The following MITF variants were observed in gnomAD, a reference collection of about 807,000 sequenced individuals.
The protein encoded by MITF is melanocyte inducing transcription factor, also known as microphthalmia-associated transcription factor.
A neutral mutation model predicts 60.5 loss-of-function variants in MITF; 17 were observed. That is an observed-to-expected ratio of 0.28 (90% CI 0.19 to 0.42). The LOEUF (loss-of-function observed/expected upper bound fraction) is 0.42. MITF is among the 10% of genes least tolerant of loss of function. The probability of loss-of-function intolerance (pLI) is 1.00; values close to 1 mark genes in which losing one functional copy is unlikely to be tolerated. For synonymous variants in MITF, 260 were observed against 248.5 expected, an observed-to-expected ratio of 1.05 and a Z score of -0.43; for missense variants, 622 against 683.5, an observed-to-expected ratio of 0.91 and a Z score of 1.00.
Position 69,937,985 on chromosome 3 carries a change from C to T in MITF, c.518C>T (p.Pro173Leu), listed in dbSNP as rs141679911. 6.2e-6 allele frequency: 10 copies of T among 1,614,058 alleles called. No individual in the cohort carries two copies. The highest frequency in any genetic ancestry group is 3.3e-5 in the Admixed American group (2 of 60,006). Residue 173 changes from proline to leucine, a missense_variant, in exon 3 of 10, where the codon CCG (proline) becomes CTG (leucine). This residue lies in a region of MITF where 215 missense variants were observed against 224.8 expected (regional missense o/e 0.96). Coordinates refer to ENST00000352241, the MANE Select transcript of MITF (RefSeq NM_001354604.2). ...GGCGATCATGTCATGCCACCGGTGC[C>T]GGGGAGCAGCGCACCCAACAGCCCC... ...QPGDHVMPPV[P>L]GSSAPNSPMA...
chr3:69,899,160 G>A (rs1057307336), intron 2 of MITF, among the ~76,000 whole-genome samples: 1 of 152,210 alleles, frequency 6.6e-6, no homozygotes, highest in Non-Finnish European at 1.5e-5. Flanking sequence ...AAGCATAGGT[G>A]TGAGCTTTGT....
intron 1 of MITF, among the ~76,000 whole-genome samples, chr3:69,816,832 C>T (rs563325645): frequency 5.9e-5 from 9 of 151,964 alleles, no homozygotes; most frequent in Non-Finnish European, 8.8e-5. Context: ...TGGTGGTGGT[C>T]GTGGTATTCA....
chr3:69,921,359 C>A (rs2065464159), intron 2 of MITF, among the ~76,000 whole-genome samples: 1 of 152,182 alleles, frequency 6.6e-6, no homozygotes, highest in Admixed American at 6.5e-5. Flanking sequence ...CAATAATGCA[C>A]TCATAGTTGA....
intron 1 of MITF, among the ~76,000 whole-genome samples, chr3:69,779,218 T>C (rs2062524416): frequency 6.6e-6 from 1 of 152,192 alleles, no homozygotes; most frequent in Non-Finnish European, 1.5e-5. Flanking sequence ...TCTCAAGGTG[T>C]ACCCCGATGC....
At position 69,832,947 on chromosome 3, in the gene MITF, A is replaced by G. The variant is rs532494064; in HGVS notation, c.105-46187A>G. Reference sequence around the variant, plus strand: ...TTATATACCTGGTTAGACTGTATGTAGTTGTTTCTCTGTTTGCACTGTATG... The same window carrying G: ...TTATATACCTGGTTAGACTGTATGTGGTTGTTTCTCTGTTTGCACTGTATG... On this transcript the variant is annotated intron_variant, in intron 1 of 9. Coordinates refer to ENST00000352241, the MANE Select transcript of MITF (RefSeq NM_001354604.2). Among the ~76,000 whole-genome samples the G allele has an allele frequency of 4.4e-4, 66 of 150,646 alleles. 1 individual carries two copies. The South Asian group carries it at 0.014, about 32-fold the overall frequency.
chr3:69,946,129 G>A (rs933059328), intron 5 of MITF, among the ~76,000 whole-genome samples: 1 of 152,184 alleles, frequency 6.6e-6, no homozygotes, highest in African/African-American at 2.4e-5. Context: ...AGCAGGCACT[G>A]TTTCACCTAC....
chr3:69,941,533 A>G (rs905323579), intron 5 of MITF, among the ~76,000 whole-genome samples: 3 of 152,176 alleles, frequency 2.0e-5, no homozygotes, highest in Non-Finnish European at 2.9e-5. Flanking sequence ...GAATAATCCC[A>G]TGATAAAACT....
In MITF at chr3:69,785,550, C is replaced by T. The variant is rs562649844; in HGVS notation, c.104+45849C>T. On this transcript the variant is annotated intron_variant, in intron 1 of 9. Coordinates refer to ENST00000352241, the MANE Select transcript of MITF (RefSeq NM_001354604.2). ...TACCATACTCTTTGACAGAAATGCA[C>T]GTTGTTACTGCCTTTTTTGCTTTGC... 5.9e-5 allele frequency among the ~76,000 whole-genome samples: 9 copies of T among 152,312 alleles called. No homozygotes were observed. The South Asian group carries it at 1.0e-3, about 18-fold the overall frequency.
intron 2 of MITF, among the ~76,000 whole-genome samples, chr3:69,929,403 A>G (rs1575985381): frequency 6.6e-6 from 1 of 152,172 alleles, no homozygotes; most frequent in East Asian, 1.9e-4. Flanking sequence ...GTGGAGTGGG[A>G]GAAGTAGGCA....
intron 1 of MITF, among the ~76,000 whole-genome samples, chr3:69,774,330 T>C (rs2062440808): frequency 6.6e-6 from 1 of 152,196 alleles, no homozygotes; most frequent in African/African-American, 2.4e-5. Context: ...CGTCTTTTAT[T>C]ATTCAAGAAT....
At chr3:69,750,121 G>T (rs571083708) in intron 1 of MITF, among the ~76,000 whole-genome samples, 1 of 152,258 alleles carries the variant, frequency 6.6e-6, no homozygotes, top group Non-Finnish European at 1.5e-5. Flanking sequence ...ATGTCAATCT[G>T]CTGTCCTTAG....
chr3:69,882,638 A>AC (rs1253821369), intron 2 of MITF, among the ~76,000 whole-genome samples: 1 of 152,212 alleles, frequency 6.6e-6, no homozygotes, highest in African/African-American at 2.4e-5. Context: ...CATGCAAGTC[A>AC]TGCAAACCTG....
chr3:69,745,541 C>T (rs1252848789), intron 1 of MITF, among the ~76,000 whole-genome samples: 1 of 152,186 alleles, frequency 6.6e-6, no homozygotes, highest in Non-Finnish European at 1.5e-5. Flanking sequence ...AAATGTGTTT[C>T]TCTACACTAA....
rs138878670 is a variant in MITF, at chr3:69,956,190, T to A, written c.956-265T>A. The stretch of plus-strand genomic sequence containing the variant: ...AGTATCTCCAAGGCAATTTCATTAT[T>A]TGTAACTAAGGATAGTAACTGATTT... On this transcript the variant is annotated intron_variant, in intron 7 of 9. Coordinates refer to ENST00000352241, the MANE Select transcript of MITF (RefSeq NM_001354604.2). 2.7e-3 allele frequency among the ~76,000 whole-genome samples: 415 copies of A among 152,336 alleles called. No homozygotes were observed. Among genetic ancestry groups the A allele is most frequent in the African/African-American group, 9.5e-3 (393 of 41,582 alleles).
chr3:69,827,303 C>T (rs1055576601), intron 1 of MITF, among the ~76,000 whole-genome samples: 16 of 152,190 alleles, frequency 1.1e-4, no homozygotes, highest in Non-Finnish European at 7.3e-5. Context: ...GCCACTGTAT[C>T]AGTCAGCAGA....
At chr3:69,846,343 T>C (rs1416566944) in intron 1 of MITF, among the ~76,000 whole-genome samples, 1 of 152,178 alleles carries the variant, frequency 6.6e-6, no homozygotes, top group Non-Finnish European at 1.5e-5. Flanking sequence ...TGGTGTGAAC[T>C]GTGACCTTCT....
intron 2 of MITF, among the ~76,000 whole-genome samples, chr3:69,883,996 G>T (rs1025902025): frequency 1.3e-5 from 2 of 152,150 alleles, no homozygotes; most frequent in South Asian, 2.1e-4. Context: ...AAGGGACTCA[G>T]ATTTCAGGTC....
intron 3 of MITF, chr3:69,938,879 G>A (rs1294944675): frequency 6.9e-7 from 1 of 1,446,146 alleles, no homozygotes; most frequent in Admixed American, 2.7e-5. Flanking sequence ...TTGCCCCTAT[G>A]CCCAAACCAA....
At chr3:69,928,725 C>T (rs948593501) in intron 2 of MITF, among the ~76,000 whole-genome samples, 1 of 152,146 alleles carries the variant, frequency 6.6e-6, no homozygotes, top group African/African-American at 2.4e-5. Flanking sequence ...AATTTTTCAT[C>T]ATTGGTGACA....
Sources: allele counts gnomAD v4.1 joint callset (sites outside exome capture counted in the v4.1 genomes callset), GRCh38; gene constraint gnomAD v4.1.1; regional missense constraint gnomAD v4.1.1; transcripts MANE v1.5; gene names NCBI Gene and HGNC (gene_info 2026-07-23, HGNC 2026-07-21).